The following PI4KA variants were observed in gnomAD, a reference collection of about 807,000 sequenced individuals.
PI4KA encodes the protein phosphatidylinositol 4-kinase alpha, also known as PI4-kinase alpha.
In PI4KA, 122 loss-of-function variants were observed where a neutral mutation model predicts 271.4. The ratio of observed to expected loss-of-function variants is 0.45; its 90% CI spans 0.39 to 0.52. The LOEUF (loss-of-function observed/expected upper bound fraction) is 0.52, where lower values mean the gene tolerates loss of function less well. Ranked by LOEUF, PI4KA falls within the 20% of genes least tolerant of loss-of-function variation. PI4KA has a pLI of 0.00. For synonymous variants in PI4KA, 1,041 were observed against 1,078.8 expected, an observed-to-expected ratio of 0.96 and a Z score of 0.69; for missense variants, 1,969 against 2,769.1, an observed-to-expected ratio of 0.71 and a Z score of 6.48.
chr22:20,765,366 T>A, intron 20 of PI4KA, 130 bp from the exon 21 acceptor site: 1 of 1,018,202 alleles, frequency 9.8e-7, no homozygotes, highest in Admixed American at 2.3e-5. Context: ...AGAAACGAAG[T>A]CTGTTACCTG....
chr22:20,854,503 G>C (rs1262389066), intron 1 of PI4KA, among the ~76,000 whole-genome samples: 1 of 152,060 alleles, frequency 6.6e-6, no homozygotes, highest in Admixed American at 6.6e-5. Flanking sequence ...TGAGTGACTA[G>C]AGTAAGTAAA....
chr22:20,723,430 G>A (rs976945498), intron 42 of PI4KA, among the ~76,000 whole-genome samples: 2 of 152,052 alleles, frequency 1.3e-5, no homozygotes, highest in Non-Finnish European at 2.9e-5. Context: ...GGGTGTGGTG[G>A]CACACGCCTG....
intron 23 of PI4KA, among the ~76,000 whole-genome samples, chr22:20,754,931 G>A (rs1035922223): frequency 1.3e-5 from 2 of 152,158 alleles, no homozygotes; most frequent in East Asian, 1.9e-4. Flanking sequence ...CTGGGTGACA[G>A]AGCGAGACTC....
chr22:20,733,609 G>A (rs1394986252), intron 35 of PI4KA, 127 bp downstream of exon 35: 5 of 1,444,888 alleles, frequency 3.5e-6, no homozygotes, highest in Non-Finnish European at 4.7e-6. Context: ...ACTGAAGGAG[G>A]AGGTTGGTGA....
chr22:20,727,984 A>G, intron 39 of PI4KA, 120 bp from the exon 40 acceptor site: 1 of 635,736 alleles, frequency 1.6e-6, no homozygotes, highest in South Asian at 2.2e-5. Flanking sequence ...CATCAATACC[A>G]AGTGACGGCT....
intron 50 of PI4KA, 50 bp downstream of exon 50, chr22:20,712,436 G>T (rs2147170751): frequency 6.3e-7 from 1 of 1,597,650 alleles, no homozygotes. Flanking sequence ...GGTGGCTGGG[G>T]TGGGGTGGAG....
At chr22:20,715,707 T>G (rs1318149555) in intron 45 of PI4KA, among the ~76,000 whole-genome samples, 1 of 152,000 alleles carries the variant, frequency 6.6e-6, no homozygotes, top group Admixed American at 6.6e-5. Context: ...ACTCCTTACC[T>G]GAGGTGATCC....
At chr22:20,816,810 G>A (rs1376729330) in intron 7 of PI4KA, among the ~76,000 whole-genome samples, 1 of 152,074 alleles carries the variant, frequency 6.6e-6, no homozygotes. Flanking sequence ...TGGGGATCTC[G>A]CAGTCAGCCA....
intron 4 of PI4KA, among the ~76,000 whole-genome samples, 187 bp downstream of exon 4, chr22:20,824,139 T>A (rs1254264732): frequency 1.3e-5 from 2 of 150,842 alleles, no homozygotes; most frequent in Admixed American, 1.3e-4. Flanking sequence ...TTTAATAAGA[T>A]AAGACTCGAG....
chr22:20,757,472 C>T (rs1286828585), intron 23 of PI4KA, among the ~76,000 whole-genome samples: 1 of 152,102 alleles, frequency 6.6e-6, no homozygotes, highest in East Asian at 1.9e-4. Flanking sequence ...GCGAATGAGA[C>T]ATCTCACTTC....
At chr22:20,714,858 T>A (rs1418232720) in intron 45 of PI4KA, among the ~76,000 whole-genome samples, 158 bp from the exon 46 acceptor site, 1 of 152,202 alleles carries the variant, frequency 6.6e-6, no homozygotes, top group East Asian at 1.9e-4. Flanking sequence ...CACTAACTTA[T>A]TATTCCATGG....
intron 50 of PI4KA, 180 bp downstream of exon 50, chr22:20,712,306 C>T (rs1196278432): frequency 3.2e-5 from 30 of 933,644 alleles, no homozygotes; most frequent in Admixed American, 6.2e-5. Context: ...CTGCCCGCCT[C>T]GGCCTCCCAA....
chr22:20,750,548 T>A (rs1481412810), intron 27 of PI4KA, among the ~76,000 whole-genome samples: 1 of 152,244 alleles, frequency 6.6e-6, no homozygotes, highest in East Asian at 1.9e-4. Context: ...CTGTATGTAA[T>A]TCCTGCACAA....
intron 13 of PI4KA, 131 bp from the exon 14 acceptor site, chr22:20,802,236 C>A: frequency 3.0e-6 from 2 of 675,064 alleles, no homozygotes; most frequent in Non-Finnish European, 4.9e-6. Flanking sequence ...AAACATCTGA[C>A]CAAATATTTC....
intron 39 of PI4KA, 112 bp downstream of exon 39, chr22:20,729,201 A>G (rs1477566278): frequency 1.2e-6 from 1 of 868,416 alleles, no homozygotes; most frequent in Non-Finnish European, 1.8e-6. Flanking sequence ...CTTCCTGACT[A>G]TCCTTGAAAG....
At position 20,798,604 on chromosome 22, in the gene PI4KA, A is replaced by C. The variant is rs766247199; in HGVS notation, c.2088T>G (p.Asp696Glu). ...GTTACCTATAGCCGTGGTCCTTGTAATCTTTGGTGGCTGAGTATACAACGG... is the reference window on the plus strand; with the variant it reads ...GTTACCTATAGCCGTGGTCCTTGTACTCTTTGGTGGCTGAGTATACAACGG... ...ASSVVYSATK[D>E]YKDHGYRHCS... The change falls in exon 17 of 55, where the codon GAT (aspartate) becomes GAG (glutamate). Residue 696 changes from aspartate (D) to glutamate (E), a missense_variant. This residue lies in a region of PI4KA where 368 missense variants were observed against 544.3 expected (regional missense o/e 0.68). Transcript: ENST00000255882. 1.2e-6 allele frequency: 2 copies of C among 1,611,366 alleles called. No individual in the cohort carries two copies. Among genetic ancestry groups the C allele is most frequent in the East Asian group, 4.5e-5 (2 of 44,876 alleles).
At position 20,735,862 on chromosome 22, in the gene PI4KA, GA is replaced by G. The variant is rs1429951899; in HGVS notation, c.3742-1310del. 2.2e-4 allele frequency among the ~76,000 whole-genome samples: 33 copies of G among 152,060 alleles called. 1 individual carries two copies. Among genetic ancestry groups the G allele is most frequent in the Non-Finnish European group, 4.4e-5 (3 of 67,988 alleles). ...TAGTCTTATGGAAGCAGACAAGGGA[GA>G]AAAAAATGGGGGGGACCCCAGAACT... On this transcript the variant is annotated intron_variant, in intron 32 of 54. Transcript: ENST00000255882.
At chr22:20,717,458 T>C (rs151123279) in intron 45 of PI4KA, among the ~76,000 whole-genome samples, 47 of 151,588 alleles carry the variant, frequency 3.1e-4, no homozygotes, top group African/African-American at 1.1e-3. Flanking sequence ...ACTGTCAGCC[T>C]CCAGAAAAAC....
intron 42 of PI4KA, 77 bp downstream of exon 42, chr22:20,726,411 T>C: frequency 7.5e-7 from 1 of 1,331,222 alleles, no homozygotes; most frequent in Non-Finnish European, 1.0e-6. Flanking sequence ...CTGTGAGGGC[T>C]GGGGACAGAC....
Sources: allele counts gnomAD v4.1 joint callset (sites outside exome capture counted in the v4.1 genomes callset), GRCh38; gene constraint gnomAD v4.1.1; regional missense constraint gnomAD v4.1.1; transcripts MANE v1.5; gene names NCBI Gene and HGNC (gene_info 2026-07-23, HGNC 2026-07-21).